The following SPEN variants were observed in gnomAD, a reference collection of about 807,000 sequenced individuals.
SPEN encodes the protein msx2-interacting protein.
In SPEN, 18 loss-of-function variants were observed where a neutral mutation model predicts 269.9. The ratio of observed to expected loss-of-function variants is 0.07; its 90% CI spans 0.05 to 0.10. The LOEUF (loss-of-function observed/expected upper bound fraction) is 0.10, where lower values mean the gene tolerates loss of function less well. SPEN is among the 10% of genes least tolerant of loss of function. SPEN has a pLI of 1.00. For synonymous variants in SPEN, 1,726 were observed against 1,765.7 expected (o/e 0.98, Z 0.56); for missense variants, 3,822 against 4,631.2 (o/e 0.83, Z 5.07).
chr1:15,927,127 T>C (rs1165545575), intron 10 of SPEN, among the ~76,000 whole-genome samples: 2 of 152,254 alleles, frequency 1.3e-5, no homozygotes, highest in Non-Finnish European at 2.9e-5. Flanking sequence ...CAGGTGTATT[T>C]AATTTCATAT....
At chr1:15,919,638 T>C (rs1037865614) in intron 8 of SPEN, 121 bp downstream of exon 8, 24 of 579,326 alleles carry the variant, frequency 4.1e-5, no homozygotes, top group Non-Finnish European at 4.4e-5. Flanking sequence ...ATTAAAATTA[T>C]GTTTGCTAAG....
chr1:15,926,412 C>CACAT (rs1553179242), intron 10 of SPEN, among the ~76,000 whole-genome samples: 2 of 149,188 alleles, frequency 1.3e-5, no homozygotes, highest in African/African-American at 2.5e-5. Context: ...CACACACACA[C>CACAT]ATTTATAAAT....
intron 4 of SPEN, among the ~76,000 whole-genome samples, chr1:15,909,982 G>T (rs2148728644): frequency 6.6e-6 from 1 of 151,924 alleles, no homozygotes; most frequent in South Asian, 2.1e-4. Flanking sequence ...AAATTAGCTG[G>T]GCGTGGTGGC....
In SPEN at chr1:15,932,710, G is replaced by A. The variant is rs143503585; in HGVS notation, c.6470G>A (p.Gly2157Glu). ...GAGAAAGAAGACGTGTCTGCCTCTG[G>A]GCCGTCCCCAGAAGCCACCCAGTTA... ...EPEKEDVSAS[G>E]PSPEATQLAK... The change falls in exon 11 of 15, where the codon GGG (glycine) becomes GAG (glutamate). Residue 2157 changes from glycine to glutamate, a missense_variant. This residue lies in a region of SPEN where 727 missense variants were observed against 737.9 expected (regional missense o/e 0.99). Coordinates refer to ENST00000375759, the MANE Select transcript of SPEN (RefSeq NM_015001.3). This position sits in a 1 kb window ranked among gnomAD's most constrained non-coding sequence, Gnocchi z 4.2. 6.2e-7 allele frequency: 1 copy of A among 1,614,004 alleles called. No homozygotes were observed. The highest frequency in any genetic ancestry group is 1.3e-5 in the African/African-American group (1 of 74,894).
At chr1:15,922,555 A>C (rs565178227) in intron 10 of SPEN, among the ~76,000 whole-genome samples, 60 of 152,164 alleles carry the variant, frequency 3.9e-4, no homozygotes, top group African/African-American at 1.3e-3. Flanking sequence ...GTTTGGAGCA[A>C]CCTGTCTGGA....
At chr1:15,871,898 G>C (rs1040186767) in intron 1 of SPEN, among the ~76,000 whole-genome samples, 1 of 152,094 alleles carries the variant, frequency 6.6e-6, no homozygotes, top group Non-Finnish European at 1.5e-5. Flanking sequence ...CTTAGGTTCA[G>C]TAGTCGTTTT....
rs199815081 is a variant in SPEN at position 15,926,380 on chromosome 1, T to TAC, written c.1851-1709_1851-1708dup. Reference sequence around the variant, plus strand: ...GCCACTGCACTCCAGCTCAGATATATACATACACACACACACACACACACA... The same window carrying TAC: ...GCCACTGCACTCCAGCTCAGATATATACACATACACACACACACACACACACA... On this transcript the variant is annotated intron_variant, in intron 10 of 14. Coordinates refer to ENST00000375759, the MANE Select transcript of SPEN (RefSeq NM_015001.3). 6.8e-3 allele frequency among the ~76,000 whole-genome samples: 968 copies of TAC among 141,378 alleles called. 15 individuals carry two copies. The highest frequency in any genetic ancestry group is 0.018 in the African/African-American group (658 of 37,008). 92.7% of individuals were successfully genotyped at this position (141,378 alleles called of 152,430 possible). A position where few individuals can be genotyped will look rare whatever the true frequency, so the allele number is the denominator to read the frequency against.
At position 15,932,516 on chromosome 1, in the gene SPEN, T is replaced by C; in HGVS notation, c.6276T>C (p.Ser2092=). 2 of 1,601,236 alleles carry C rather than the reference T, an allele frequency of 1.2e-6. No homozygotes were observed. The highest frequency in any genetic ancestry group is 1.7e-6 in the Non-Finnish European group (2 of 1,172,396). Residue 2092 remains serine, a synonymous_variant, in exon 11 of 15, where the codon AGT becomes AGC. Coordinates refer to ENST00000375759, the MANE Select transcript of SPEN (RefSeq NM_015001.3). This position sits in a 1 kb window ranked among gnomAD's most constrained non-coding sequence, Gnocchi z 4.2. The stretch of plus-strand genomic sequence containing the variant: ...GGTTAGCAGTGGACAAATCTGCAAG[T>C]CTGAAAAATGTGGATGCTGCTGTCA... The part of the protein sequence containing the change: ...NSRLAVDKSA[S]LKNVDAAVSP...
chr1:15,912,296 C>T (rs2071019560), intron 5 of SPEN, among the ~76,000 whole-genome samples: 2 of 152,324 alleles, frequency 1.3e-5, no homozygotes, highest in South Asian at 4.1e-4. Context: ...CTTACTGATT[C>T]AGAGTTTATA....
chr1:15,903,922 C>T (rs529643567), intron 3 of SPEN, among the ~76,000 whole-genome samples: 75 of 152,274 alleles, frequency 4.9e-4, no homozygotes, highest in African/African-American at 1.7e-3. Flanking sequence ...CTTAGATTAG[C>T]TTCTGATGAA....
In SPEN at chr1:15,932,553, G is replaced by T; in HGVS notation, c.6313G>T (p.Ala2105Ser). 3.1e-6 allele frequency: 5 copies of T among 1,599,504 alleles called. No individual in the cohort carries two copies. Among genetic ancestry groups the T allele is most frequent in the Non-Finnish European group, 4.3e-6 (5 of 1,171,172 alleles). The change falls in exon 11 of 15, where the codon GCT becomes TCT. Residue 2105 changes from alanine to serine, a missense_variant. By Grantham distance (99) the Ala-to-Ser change is moderately conservative. Coordinates refer to ENST00000375759, the MANE Select transcript of SPEN (RefSeq NM_015001.3). This position sits in a 1 kb window ranked among gnomAD's most constrained non-coding sequence, Gnocchi z 4.2. Reference sequence around the variant, plus strand: ...GGATGCTGCTGTCAGTCCCAGGGGGGCTGCAGCACAGGCAGGGGAGAGGGA... The same window carrying T: ...GGATGCTGCTGTCAGTCCCAGGGGGTCTGCAGCACAGGCAGGGGAGAGGGA... The part of the protein sequence containing the change: ...NVDAAVSPRG[A>S]AAQAGERESG...
At chr1:15,900,757 G>A (rs1403580290) in intron 3 of SPEN, among the ~76,000 whole-genome samples, 4 of 152,178 alleles carry the variant, frequency 2.6e-5, no homozygotes, top group Non-Finnish European at 5.9e-5. Context: ...AGCAGTCCAA[G>A]AAATAATACA....
intron 1 of SPEN, among the ~76,000 whole-genome samples, chr1:15,860,442 A>AGAGT (rs377391737): frequency 8.3e-6 from 1 of 120,032 alleles, no homozygotes; most frequent in Non-Finnish European, 1.7e-5. Context: ...GTCCCACTGT[A>AGAGT]GTGTGTGTGT....
chr1:15,916,279 G>A lies in SPEN; in HGVS notation c.1395G>A (p.Val465=), dbSNP rs1304904515. The part of the protein sequence containing the change: ...RNIFQRFGEI[V]DIDIKKVNGV... Reference sequence around the variant, plus strand: ...TCTTCCAGCGCTTTGGAGAAATTGTGGTATGTTGCTTTTACTATGTAAACA... The same window carrying A: ...TCTTCCAGCGCTTTGGAGAAATTGTAGTATGTTGCTTTTACTATGTAAACA... The change falls in exon 6 of 15, where the codon GTG becomes GTA. Residue 465 remains valine, a splice_region_variant and synonymous_variant. Transcript: ENST00000375759. The A allele has an allele frequency of 1.9e-6, 3 of 1,610,048 alleles. No individual in the cohort carries two copies. In the African/African-American group the frequency reaches 4.0e-5, roughly 22 times the overall value.
rs2070298232 is a variant in SPEN, at chr1:15,848,417, C to T, written c.83+267C>T. ...CGTGACGAGGGAGGTGACCGAGGCTCGGCCTCCACGCAGCCGGCGCCCCGG... is the reference window on the plus strand; with the variant it reads ...CGTGACGAGGGAGGTGACCGAGGCTTGGCCTCCACGCAGCCGGCGCCCCGG... On this transcript the variant is annotated intron_variant, in intron 1 of 14. Coordinates refer to ENST00000375759, the MANE Select transcript of SPEN (RefSeq NM_015001.3). This position sits in a 1 kb window ranked among gnomAD's most constrained non-coding sequence, Gnocchi z 5.1. Among the ~76,000 whole-genome samples, 1 of 151,542 alleles carries T rather than the reference C, an allele frequency of 6.6e-6. No individual in the cohort carries two copies. The highest frequency in any genetic ancestry group is 6.6e-5 in the Admixed American group (1 of 15,202).
intron 4 of SPEN, 150 bp from the exon 5 acceptor site, chr1:15,910,951 G>T (rs1274875425): frequency 4.8e-6 from 3 of 631,240 alleles, no homozygotes; most frequent in Non-Finnish European, 5.6e-6. Context: ...TGTGAGGTGT[G>T]CCTCCCTCAG....
In SPEN at chr1:15,938,016, T is replaced by G. The variant is rs1165869220; in HGVS notation, c.10704+10T>G. The stretch of plus-strand genomic sequence containing the variant: ...TGCCCGAAGGATGACGGTAAGACTC[T>G]CAGGCCCAGGTGAGCAACTGCCCCA... On this transcript the variant is annotated intron_variant, in intron 13 of 14. Coordinates refer to ENST00000375759, the MANE Select transcript of SPEN (RefSeq NM_015001.3). 2 of 1,591,564 alleles carry G rather than the reference T, an allele frequency of 1.3e-6. No individual in the cohort carries two copies. Among genetic ancestry groups the G allele is most frequent in the Admixed American group, 3.6e-5 (2 of 54,846 alleles).
rs1332076743 is a variant in SPEN at position 15,934,252 on chromosome 1, C to A, written c.8012C>A (p.Pro2671His). 6.2e-7 allele frequency: 1 copy of A among 1,614,130 alleles called. No individual in the cohort carries two copies. Among genetic ancestry groups the A allele is most frequent in the Non-Finnish European group, 8.5e-7 (1 of 1,180,048 alleles). Residue 2671 changes from proline (P) to histidine (H), a missense_variant, in exon 11 of 15, where the codon CCC becomes CAC. Transcript: ENST00000375759. The surrounding 1 kb of genome is among the most constrained non-coding windows in gnomAD (Gnocchi z 9.2). ...GTCCCGGTGAATGCCCTGAAAGGCC[C>A]CGTGAAGGGCTCAGTGACCACACTG... is the stretch of plus-strand genomic sequence containing the variant. ...SLVPVNALKG[P>H]VKGSVTTLKS... is the part of the protein sequence containing the mutation.
At chr1:15,870,546 T>C (rs1235759590) in intron 1 of SPEN, among the ~76,000 whole-genome samples, 2 of 152,248 alleles carry the variant, frequency 1.3e-5, no homozygotes, top group African/African-American at 2.4e-5. Flanking sequence ...TTGAATGTGT[T>C]ATTTTCATTG....
Sources: allele counts gnomAD v4.1 joint callset (sites outside exome capture counted in the v4.1 genomes callset), GRCh38; gene constraint gnomAD v4.1.1; regional missense constraint gnomAD v4.1.1; non-coding constraint Gnocchi (gnomAD v3.1); transcripts MANE v1.5; gene names NCBI Gene and HGNC (gene_info 2026-07-23, HGNC 2026-07-21).